AFF3: variants seen among roughly 807,000 people sequenced by gnomAD.
AFF3 encodes ALF transcription elongation factor 3.
In AFF3, 32 loss-of-function variants were observed where a neutral mutation model predicts 129.7. That is an observed-to-expected ratio of 0.25 (90% CI 0.19 to 0.33). The LOEUF (loss-of-function observed/expected upper bound fraction) is 0.33, where lower values mean the gene tolerates loss of function less well. AFF3 is among the 10% of genes least tolerant of loss of function. The pLI is 1.00. For synonymous variants in AFF3, 644 were observed against 635.4 expected (o/e 1.01, Z -0.20); for missense variants, 1,373 against 1,592.0 (o/e 0.86, Z 2.34).
chr2:99,705,364 A>G (rs1292872204), intron 11 of AFF3, among the ~76,000 whole-genome samples: 26 of 152,176 alleles, frequency 1.7e-4, no homozygotes, highest in Admixed American at 1.7e-3. Flanking sequence ...ACAATTAAGA[A>G]AACAACAAGA....
At chr2:99,973,830 G>A (rs908309867) in intron 7 of AFF3, among the ~76,000 whole-genome samples, 3 of 151,976 alleles carry the variant, frequency 2.0e-5, no homozygotes, top group Admixed American at 6.6e-5. Context: ...GTTGTGGCCC[G>A]CTCTGGGGCA....
At chr2:100,041,931 T>C (rs570103410) in intron 4 of AFF3, among the ~76,000 whole-genome samples, 1 of 152,326 alleles carries the variant, frequency 6.6e-6, no homozygotes, top group Admixed American at 6.5e-5. Context: ...GCAGCATTAA[T>C]AAAATCATAT....
chr2:100,013,428 G>C (rs1457322297), intron 4 of AFF3, among the ~76,000 whole-genome samples: 1 of 152,116 alleles, frequency 6.6e-6, no homozygotes, highest in African/African-American at 2.4e-5. Flanking sequence ...ATTATGACTA[G>C]GTTAACTCTT....
chr2:99,846,902 G>A (rs1689766490), intron 7 of AFF3, among the ~76,000 whole-genome samples: 1 of 152,084 alleles, frequency 6.6e-6, no homozygotes, highest in South Asian at 2.1e-4. Flanking sequence ...CCTCAGAACA[G>A]GGTTCATTCT....
intron 13 of AFF3, among the ~76,000 whole-genome samples, chr2:99,611,839 G>A (rs1680957542): frequency 1.3e-5 from 2 of 151,364 alleles, no homozygotes; most frequent in Non-Finnish European, 2.9e-5. Context: ...GTGAGCTGAG[G>A]TTGCGTTACT....
At chr2:99,764,857 G>T (rs1028403627) in intron 8 of AFF3, among the ~76,000 whole-genome samples, 1 of 151,898 alleles carries the variant, frequency 6.6e-6, no homozygotes, top group African/African-American at 2.4e-5. Flanking sequence ...TTCAAATCTC[G>T]TGCTCATGAT....
At chr2:100,030,240 C>G (rs1364953889) in intron 4 of AFF3, among the ~76,000 whole-genome samples, 4 of 152,136 alleles carry the variant, frequency 2.6e-5, no homozygotes, top group African/African-American at 9.7e-5. Context: ...ATTTTCCTCA[C>G]TAGCTATCAG....
chr2:100,014,670 AAAG>A (rs1328332696), intron 4 of AFF3, among the ~76,000 whole-genome samples: 3 of 152,286 alleles, frequency 2.0e-5, no homozygotes, highest in South Asian at 2.1e-4. Context: ...AGGAGATGGA[AAAG>A]AAGAAGGGCT....
chr2:99,702,916 G>T (rs562849722), intron 11 of AFF3, among the ~76,000 whole-genome samples: 10 of 152,282 alleles, frequency 6.6e-5, no homozygotes, highest in Admixed American at 1.3e-4. Context: ...TAATATTGAT[G>T]AAGTCCAATT....
chr2:99,881,011 GCTTT>G lies in AFF3; in HGVS notation c.874-43491_874-43488del, dbSNP rs547123381. On this transcript the variant is annotated intron_variant, in intron 7 of 24. Transcript: ENST00000672756. ...CAGAGGCTACCCGCTATTCCAACAGGCTTTCTATTTCTGATAGAAACAAATCCAA... is the reference window on the plus strand; with the variant it reads ...CAGAGGCTACCCGCTATTCCAACAGGCTATTTCTGATAGAAACAAATCCAA... Among the ~76,000 whole-genome samples the G allele has an allele frequency of 3.2e-4, 49 of 152,236 alleles. No homozygotes were observed. In the South Asian group the frequency reaches 3.5e-3, roughly 11 times the overall value.
At chr2:99,804,199 CTAAT>C (rs1263215396) in intron 8 of AFF3, among the ~76,000 whole-genome samples, 2 of 152,122 alleles carry the variant, frequency 1.3e-5, no homozygotes, top group Admixed American at 6.5e-5. Flanking sequence ...TGACAAAGAA[CTAAT>C]ATCTAGAATC....
At chr2:99,830,112 G>A (rs1451961615) in intron 8 of AFF3, among the ~76,000 whole-genome samples, 1 of 152,066 alleles carries the variant, frequency 6.6e-6, no homozygotes, top group Non-Finnish European at 1.5e-5. Context: ...TCACACACCA[G>A]GGCCTATCAG....
intron 8 of AFF3, 53 bp from the exon 9 acceptor site, chr2:99,752,354 TCAG>T (rs772226459): frequency 2.6e-5 from 39 of 1,498,984 alleles, no homozygotes; most frequent in Non-Finnish European, 3.5e-5. Flanking sequence ...GTATTTAAAA[TCAG>T]CGGTATGTAA....
chr2:99,980,424 T>G (rs567112569), intron 7 of AFF3, among the ~76,000 whole-genome samples: 1 of 152,314 alleles, frequency 6.6e-6, no homozygotes, highest in African/African-American at 2.4e-5. Flanking sequence ...ACAACTGTGC[T>G]GGAGGGACAT....
chr2:99,604,785 T>C lies in AFF3; in HGVS notation c.1185-3164A>G, dbSNP rs558414193. 1.3e-4 allele frequency among the ~76,000 whole-genome samples: 20 copies of C among 152,308 alleles called. No homozygotes were observed. In the East Asian group the frequency reaches 3.5e-3, roughly 26 times the overall value. ...TGGAGGAAAGATATGTGTTTCTCTG[T>C]CACCCTCTGGAGTGACATCTGCCAA... On this transcript the variant is annotated intron_variant, in intron 13 of 24. Transcript: ENST00000672756.
intron 7 of AFF3, among the ~76,000 whole-genome samples, chr2:99,899,126 G>A (rs1415083824): frequency 6.6e-6 from 1 of 152,198 alleles, no homozygotes; most frequent in Non-Finnish European, 1.5e-5. Context: ...CAACACAAAT[G>A]GAATGCAAAA....
intron 8 of AFF3, among the ~76,000 whole-genome samples, chr2:99,822,290 A>C (rs2105692864): frequency 9.7e-6 from 1 of 103,508 alleles, no homozygotes; most frequent in African/African-American, 4.0e-5. Flanking sequence ...TGGGAAGATG[A>C]GTTTTCCCAG....
chr2:99,748,364 T>TC (rs1227613192), intron 9 of AFF3, among the ~76,000 whole-genome samples: 1 of 152,136 alleles, frequency 6.6e-6, no homozygotes, highest in African/African-American at 2.4e-5. Flanking sequence ...ATTGGTATTG[T>TC]CCCCCTCTGG....
At chr2:99,706,955 G>T in intron 11 of AFF3, 4 of 403,794 alleles carry the variant, frequency 9.9e-6, no homozygotes, top group Non-Finnish European at 1.3e-5. Context: ...GGCACAGACA[G>T]AAACTGTCAG....
Sources: gnomAD v4.1 joint callset for allele counts (sites outside exome capture counted in the v4.1 genomes callset) on GRCh38, gnomAD v4.1.1 for gene constraint, MANE v1.5 for transcripts, NCBI Gene and HGNC (gene_info 2026-07-23, HGNC 2026-07-21) for gene names.